Variants in CTDP1 observed in about 807,000 individuals in gnomAD.
The protein encoded by CTDP1 is RNA polymerase II subunit A C-terminal domain phosphatase.
Under a neutral mutation model 91.8 loss-of-function variants are expected in CTDP1, and 47 were observed. That is an observed-to-expected ratio of 0.51 (90% CI 0.41 to 0.65). The LOEUF (loss-of-function observed/expected upper bound fraction) is 0.65, where lower values mean the gene tolerates loss of function less well. Ranked by LOEUF, CTDP1 falls within the 30% of genes least tolerant of loss-of-function variation. The pLI, the probability that CTDP1 is intolerant of heterozygous loss-of-function variation, is 0.00. For missense variants in CTDP1, 1,272 were observed against 1,373.7 expected, an observed-to-expected ratio of 0.93 and a Z score of 1.17; for synonymous variants, 656 against 598.5, an observed-to-expected ratio of 1.10 and a Z score of -1.40.
Position 79,697,851 on chromosome 18 carries a change from T to TAAA in CTDP1, c.493-7_493-6insAAA. The TAAA allele has an allele frequency of 6.2e-7, 1 of 1,614,168 alleles. No homozygotes were observed. The highest frequency in any genetic ancestry group is 1.3e-5 in the African/African-American group (1 of 75,046). On this transcript the variant is annotated splice_polypyrimidine_tract_variant and intron_variant, in intron 3 of 12. Coordinates refer to ENST00000613122, the MANE Select transcript of CTDP1 (RefSeq NM_004715.5). ...GACTTTGTCATTTCTTGTTTCTTTT[T>TAAA]AATTGTAGCAAGCTGAACAGCTGGG...
intron 10 of CTDP1, among the ~76,000 whole-genome samples, chr18:79,722,741 A>C (rs1382193693): frequency 6.6e-6 from 1 of 151,984 alleles, no homozygotes; most frequent in Non-Finnish European, 1.5e-5. Flanking sequence ...ACCTACTTAC[A>C]TCAGAAAAAA....
At position 79,694,524 on chromosome 18, in the gene CTDP1, TG is replaced by T. The variant is rs1290403261; in HGVS notation, c.315-697del. Reference sequence around the variant, plus strand: ...GGTGGGGTGGTCGGAGCAGCCCGGCTGGGGTGGGAGTGTGGGGGCTGCGGAC... The same window carrying T: ...GGTGGGGTGGTCGGAGCAGCCCGGCTGGGTGGGAGTGTGGGGGCTGCGGAC... On this transcript the variant is annotated intron_variant, in intron 1 of 12. Coordinates refer to ENST00000613122, the MANE Select transcript of CTDP1 (RefSeq NM_004715.5). 9.9e-5 allele frequency among the ~76,000 whole-genome samples: 14 copies of T among 141,942 alleles called. 1 individual carries two copies. The highest frequency in any genetic ancestry group is 3.5e-4 in the African/African-American group (13 of 37,348). The allele number at this position is 141,942 out of a possible 152,430, so 93.1% of individuals were successfully genotyped here. A position where few individuals can be genotyped will look rare whatever the true frequency, so the allele number is the denominator to read the frequency against.
chr18:79,749,770 CTTG>C (rs1189601233), intron 12 of CTDP1: 3 of 152,236 alleles, frequency 2.0e-5, no homozygotes, highest in Non-Finnish European at 4.4e-5. Context: ...CTGTCTCTGT[CTTG>C]TTTTGTTTCA....
chr18:79,717,100 C>G (rs528244248), intron 8 of CTDP1, among the ~76,000 whole-genome samples: 1 of 147,406 alleles, frequency 6.8e-6, no homozygotes, highest in Admixed American at 6.7e-5. Flanking sequence ...GGGCTGCAGC[C>G]GAGTGAGGGC....
chr18:79,724,466 C>T (rs1384501978), intron 10 of CTDP1, among the ~76,000 whole-genome samples: 1 of 152,160 alleles, frequency 6.6e-6, no homozygotes, highest in Non-Finnish European at 1.5e-5. Flanking sequence ...GTGGCGTGGC[C>T]AGTGCTGTTT....
intron 5 of CTDP1, among the ~76,000 whole-genome samples, chr18:79,706,363 G>A (rs1281593457): frequency 6.6e-6 from 1 of 152,164 alleles, no homozygotes; most frequent in African/African-American, 2.4e-5. Flanking sequence ...CCCAGATTGT[G>A]CCGTTGCAGC....
In CTDP1 at chr18:79,714,834, C is replaced by T. The variant is rs370568072; in HGVS notation, c.1374C>T (p.Ser458=). Residue 458 remains serine, a synonymous_variant, in exon 8 of 13, where the codon AGC becomes AGT. Coordinates refer to ENST00000613122, the MANE Select transcript of CTDP1 (RefSeq NM_004715.5). ...TGGACTTTGACTTATCCAGCGACAG[C>T]GAGAGCAGCAGTGAGTCCGAGGGCA... ...TDLDFDLSSD[S]ESSSESEGTK... 1.2e-4 allele frequency: 198 copies of T among 1,598,828 alleles called. No homozygotes were observed. Among genetic ancestry groups the T allele is most frequent in the Non-Finnish European group, 1.6e-4 (188 of 1,173,942 alleles).
At chr18:79,722,269 T>A (rs1317636094) in intron 10 of CTDP1, among the ~76,000 whole-genome samples, 1 of 152,196 alleles carries the variant, frequency 6.6e-6, no homozygotes, top group Non-Finnish European at 1.5e-5. Context: ...CCGATAACTG[T>A]GTATGTGTGT....
rs1222344546 is a variant in CTDP1 at position 79,707,033 on chromosome 18, G to C, written c.772+2116G>C. Among the ~76,000 whole-genome samples, 7 of 152,378 alleles carry C rather than the reference G, an allele frequency of 4.6e-5. No individual in the cohort carries two copies. The South Asian group carries it at 1.2e-3, about 27-fold the overall frequency. On this transcript the variant is annotated intron_variant, in intron 5 of 12. Transcript: ENST00000613122. The stretch of plus-strand genomic sequence containing the variant: ...GAAGCTGGGCTTCTTTAGGTTCGCT[G>C]TTTCACACGTCTTGCTTATCCTTTC...
At chr18:79,697,112 G>C (rs1243331723) in intron 3 of CTDP1, among the ~76,000 whole-genome samples, 3 of 152,076 alleles carry the variant, frequency 2.0e-5, no homozygotes, top group Non-Finnish European at 4.4e-5. Context: ...GTAAACCAAA[G>C]CTGGCAAGTT....
chr18:79,703,244 C>G lies in CTDP1; in HGVS notation c.622-1523C>G, dbSNP rs561510363. On this transcript the variant is annotated intron_variant, in intron 4 of 12. Transcript: ENST00000613122. ...AAAGTTGTTACTAGAACTTCTCACT[C>G]CTAAACCTTGAACAGAGTAGCTTCT... 7 of 152,292 alleles carry G rather than the reference C, an allele frequency of 4.6e-5. No homozygotes were observed. The South Asian group carries it at 1.0e-3, about 23-fold the overall frequency. The allele number at this position is 152,292 out of a possible 1,614,324, so 9.4% of individuals were successfully genotyped here.
At chr18:79,748,312 C>T (rs2122880843) in intron 12 of CTDP1, among the ~76,000 whole-genome samples, 1 of 152,290 alleles carries the variant, frequency 6.6e-6, no homozygotes, top group South Asian at 2.1e-4. Context: ...TGAGGCGCTC[C>T]CTGTACTTCA....
chr18:79,704,627 G>A, intron 4 of CTDP1, 140 bp from the exon 5 acceptor site: 1 of 1,130,254 alleles, frequency 8.8e-7, no homozygotes, highest in Non-Finnish European at 1.3e-6. Context: ...CAGGACGCCT[G>A]TCGGGCACAC....
At chr18:79,743,585 C>G (rs898363403) in intron 12 of CTDP1, among the ~76,000 whole-genome samples, 1 of 149,358 alleles carries the variant, frequency 6.7e-6, no homozygotes, top group African/African-American at 2.5e-5. Flanking sequence ...TGCACCTGCT[C>G]TCACTCCTGC....
intron 12 of CTDP1, among the ~76,000 whole-genome samples, chr18:79,749,389 C>A (rs189657059): frequency 6.6e-6 from 1 of 151,940 alleles, no homozygotes; most frequent in Non-Finnish European, 1.5e-5. Context: ...GTGAGGGAGT[C>A]AACCACACCT....
chr18:79,716,653 A>G (rs1388097337), intron 8 of CTDP1, among the ~76,000 whole-genome samples: 1 of 148,682 alleles, frequency 6.7e-6, no homozygotes, highest in Non-Finnish European at 1.5e-5. Context: ...TCTCCTGAGC[A>G]TGGAGCTGGG....
intron 5 of CTDP1, among the ~76,000 whole-genome samples, 165 bp from the exon 6 acceptor site, chr18:79,710,181 G>T (rs989268850): frequency 6.6e-6 from 1 of 152,070 alleles, no homozygotes; most frequent in African/African-American, 2.4e-5. Flanking sequence ...GAGAAAAGAA[G>T]CCCCACACGA....
At chr18:79,749,754 C>T (rs938870437) in intron 12 of CTDP1, 52 of 152,310 alleles carry the variant, frequency 3.4e-4, no homozygotes, top group Admixed American at 2.7e-3. Context: ...TTCACGTTTA[C>T]GAGAACTGTC....
At chr18:79,747,356 A>G (rs2086902006) in intron 12 of CTDP1, among the ~76,000 whole-genome samples, 1 of 152,196 alleles carries the variant, frequency 6.6e-6, no homozygotes, top group Admixed American at 6.5e-5. Flanking sequence ...GTTCACACCC[A>G]GAGCTGTGGC....
Sources: allele counts gnomAD v4.1 joint callset (sites outside exome capture counted in the v4.1 genomes callset), GRCh38; gene constraint gnomAD v4.1.1; transcripts MANE v1.5; gene names NCBI Gene and HGNC (gene_info 2026-07-23, HGNC 2026-07-21).